The following GRIN2B variants were observed in gnomAD, a reference collection of about 807,000 sequenced individuals.
The protein encoded by GRIN2B is glutamate ionotropic receptor NMDA type subunit 2B.
In GRIN2B, 5 loss-of-function variants were observed where a neutral mutation model predicts 114.5. The observed-to-expected ratio is 0.04, with a 90% CI of 0.02 to 0.09. The LOEUF is 0.09. GRIN2B is among the 10% of genes least tolerant of loss of function. GRIN2B has a pLI of 1.00. For missense variants in GRIN2B, 1,108 were observed against 1,943.5 expected, an observed-to-expected ratio of 0.57 and a Z score of 8.08; for synonymous variants, 787 against 745.1, an observed-to-expected ratio of 1.06 and a Z score of -0.92.
intron 5 of GRIN2B, among the ~76,000 whole-genome samples, chr12:13,668,752 T>C (rs1346832480): frequency 6.6e-6 from 1 of 151,990 alleles, no homozygotes; most frequent in Non-Finnish European, 1.5e-5. Flanking sequence ...CCTTAGTTTA[T>C]AGAAATGTTA....
chr12:13,920,547 C>T (rs1449830478), intron 2 of GRIN2B, among the ~76,000 whole-genome samples: 2 of 152,142 alleles, frequency 1.3e-5, no homozygotes, highest in African/African-American at 4.8e-5. Context: ...TTTATGAAGC[C>T]TAGAAACTTC....
intron 3 of GRIN2B, among the ~76,000 whole-genome samples, chr12:13,786,759 C>A (rs1324570165): frequency 6.6e-6 from 1 of 152,088 alleles, no homozygotes; most frequent in East Asian, 1.9e-4. Flanking sequence ...CTTTTACAAA[C>A]TCAAAGGGGA....
chr12:13,862,255 A>C (rs1275696270), intron 3 of GRIN2B, among the ~76,000 whole-genome samples: 1 of 152,226 alleles, frequency 6.6e-6, no homozygotes, highest in Non-Finnish European at 1.5e-5. Flanking sequence ...GAACTGCTGA[A>C]CTGTGTCTGT....
chr12:13,796,077 ATAATT>A lies in GRIN2B; in HGVS notation c.412-42167_412-42163del, dbSNP rs1321929106. Among the ~76,000 whole-genome samples, 26 of 52,368 alleles carry A rather than the reference ATAATT, an allele frequency of 5.0e-4. No individual in the cohort carries two copies. In the Admixed American group the frequency reaches 5.9e-3, roughly 12 times the overall value. The allele number at this position is 52,368 out of a possible 152,430, so 34.4% of individuals were successfully genotyped here. ...ACACATGTACCCTAGAACTTAAAGT[ATAATT>A]AAAAAAAAAAAAAAAGAAACAGCTT... On this transcript the variant is annotated intron_variant, in intron 3 of 13. Transcript: ENST00000609686.
chr12:13,735,276 A>G (rs1863158686), intron 4 of GRIN2B, among the ~76,000 whole-genome samples: 1 of 152,244 alleles, frequency 6.6e-6, no homozygotes, highest in Non-Finnish European at 1.5e-5. Flanking sequence ...GAAGTCTTCA[A>G]TGATAATGTT....
intron 5 of GRIN2B, among the ~76,000 whole-genome samples, chr12:13,672,568 A>C (rs532150146): frequency 9.9e-5 from 15 of 152,256 alleles, no homozygotes; most frequent in African/African-American, 3.6e-4. Context: ...CCCTGGAGCC[A>C]CACCTGGCTC....
At chr12:13,719,411 G>C (rs576568108) in intron 4 of GRIN2B, among the ~76,000 whole-genome samples, 1 of 102,568 alleles carries the variant, frequency 9.7e-6, no homozygotes, top group Non-Finnish European at 2.2e-5. Flanking sequence ...CTCTAAAGTA[G>C]GATCACTTAA....
At chr12:13,838,250 A>C (rs1273101361) in intron 3 of GRIN2B, among the ~76,000 whole-genome samples, 1 of 152,200 alleles carries the variant, frequency 6.6e-6, no homozygotes, top group East Asian at 1.9e-4. Context: ...CCTGAAGCAC[A>C]GTCAGCCTCG....
intron 4 of GRIN2B, among the ~76,000 whole-genome samples, chr12:13,719,433 A>G (rs1408076046): frequency 1.3e-5 from 2 of 151,726 alleles, no homozygotes; most frequent in African/African-American, 4.8e-5. Context: ...AAAAAAGTCT[A>G]AAGTCTCCAA....
intron 10 of GRIN2B, 88 bp from the exon 11 acceptor site, chr12:13,572,052 T>A (rs1028428175): frequency 4.8e-6 from 5 of 1,047,674 alleles, no homozygotes; most frequent in Non-Finnish European, 7.3e-6. Flanking sequence ...GAAGAGACAT[T>A]AAGTAAGTTA....
chr12:13,957,830 C>T (rs992722123), intron 2 of GRIN2B, among the ~76,000 whole-genome samples: 14 of 152,102 alleles, frequency 9.2e-5, no homozygotes, highest in African/African-American at 3.1e-4. Context: ...CTGTAACCTC[C>T]CAGAGGATGA....
In GRIN2B at chr12:13,795,299, G is replaced by A. The variant is rs377176784; in HGVS notation, c.412-41384C>T. On this transcript the variant is annotated intron_variant, in intron 3 of 13. Transcript: ENST00000609686. ...AGGGTATCTAAATTTTAGGTGGCAA[G>A]GTAGATATAAGAAGGCAGTTATTAA... Among the ~76,000 whole-genome samples the A allele has an allele frequency of 3.9e-5, 6 of 152,148 alleles. No homozygotes were observed. In the East Asian group the frequency reaches 5.8e-4, roughly 15 times the overall value.
intron 3 of GRIN2B, among the ~76,000 whole-genome samples, chr12:13,794,246 A>T: frequency 6.6e-6 from 1 of 151,890 alleles, no homozygotes. Flanking sequence ...AAAAAAAGAA[A>T]AAGAAAAATC....
chr12:13,587,841 T>C (rs1265871473), intron 10 of GRIN2B, among the ~76,000 whole-genome samples: 1 of 152,232 alleles, frequency 6.6e-6, no homozygotes, highest in African/African-American at 2.4e-5. Flanking sequence ...AACAGATATT[T>C]GGGGAAATAT....
At position 13,545,222 on chromosome 12, in the gene GRIN2B, A is replaced by G. The variant is rs533636645; in HGVS notation, c.*17561T>C. ...TCCTCCAAACCTTTACTTAAATGTC[A>G]TCTTTGCTTACTCAAAAATAGCAAC... On this transcript the variant is annotated 3_prime_UTR_variant, in exon 14 of 14. Coordinates refer to ENST00000609686, the MANE Select transcript of GRIN2B (RefSeq NM_000834.5). 6.6e-6 allele frequency: 1 copy of G among 152,284 alleles called. No individual in the cohort carries two copies. The highest frequency in any genetic ancestry group is 1.9e-4 in the East Asian group (1 of 5,176). 9.4% of individuals were successfully genotyped at this position (152,284 alleles called of 1,614,324 possible).
At chr12:13,776,261 A>T (rs1222218407) in intron 3 of GRIN2B, among the ~76,000 whole-genome samples, 1 of 152,064 alleles carries the variant, frequency 6.6e-6, no homozygotes, top group Non-Finnish European at 1.5e-5. Flanking sequence ...AATAACACAC[A>T]CTGGGGCCTG....
At chr12:13,625,851 G>C (rs1591648247) in intron 5 of GRIN2B, among the ~76,000 whole-genome samples, 1 of 152,192 alleles carries the variant, frequency 6.6e-6, no homozygotes, top group African/African-American at 2.4e-5. Flanking sequence ...ATTGAGCGAG[G>C]TGGTGCCTCG....
chr12:13,807,977 G>A (rs11609602), intron 3 of GRIN2B, among the ~76,000 whole-genome samples: 1 of 152,084 alleles, frequency 6.6e-6, no homozygotes, highest in South Asian at 2.1e-4. Context: ...TTTTGACCTA[G>A]AGACAAAGGA....
At chr12:13,719,978 A>G (rs111424160) in intron 4 of GRIN2B, among the ~76,000 whole-genome samples, 22 of 151,978 alleles carry the variant, frequency 1.4e-4, no homozygotes, top group Non-Finnish European at 8.8e-5. Context: ...AGGAACAACT[A>G]TCCCAAACCA....
Sources: gnomAD v4.1 joint callset for allele counts (sites outside exome capture counted in the v4.1 genomes callset) on GRCh38, gnomAD v4.1.1 for gene constraint, MANE v1.5 for transcripts, NCBI Gene and HGNC (gene_info 2026-07-23, HGNC 2026-07-21) for gene names.